The following HIVEP2 variants were observed in gnomAD, a reference collection of about 807,000 sequenced individuals.
The protein encoded by HIVEP2 is transcription factor HIVEP2.
In HIVEP2, 14 loss-of-function variants were observed where a neutral mutation model predicts 180.7. The ratio of observed to expected loss-of-function variants is 0.08; its 90% CI spans 0.05 to 0.12. The LOEUF (loss-of-function observed/expected upper bound fraction) is 0.12. Ranked by LOEUF, HIVEP2 falls within the 10% of genes least tolerant of loss-of-function variation. The pLI is 1.00. For synonymous variants in HIVEP2, 1,184 were observed against 1,136.4 expected (o/e 1.04, Z -0.84); for missense variants, 2,579 against 3,008.5 (o/e 0.86, Z 3.34).
At chr6:142,780,955 A>G (rs1218558986) in intron 3 of HIVEP2, among the ~76,000 whole-genome samples, 1 of 152,196 alleles carries the variant, frequency 6.6e-6, no homozygotes, top group Admixed American at 6.5e-5. Flanking sequence ...TAGATAACAA[A>G]ACATTTTTAA....
chr6:142,876,264 A>G (rs752895144), intron 1 of HIVEP2, among the ~76,000 whole-genome samples: 10 of 152,178 alleles, frequency 6.6e-5, no homozygotes, highest in Non-Finnish European at 1.2e-4. Context: ...GGTGAACAGT[A>G]ATGTTTCCAG....
Position 142,768,619 on chromosome 6 carries a change from G to A in HIVEP2, c.5188-83C>T, listed in dbSNP as rs1775434892. 3.8e-5 allele frequency: 53 copies of A among 1,398,902 alleles called. 1 individual carries two copies. In the South Asian group the frequency reaches 4.5e-4, roughly 12 times the overall value. 86.7% of individuals were successfully genotyped at this position (1,398,902 alleles called of 1,614,324 possible). A position where few individuals can be genotyped will look rare whatever the true frequency, so the allele number is the denominator to read the frequency against. On this transcript the variant is annotated intron_variant, in intron 5 of 9. Coordinates refer to ENST00000367603, the MANE Select transcript of HIVEP2 (RefSeq NM_006734.4). ...TATGTCCCACTCTTCCATCATCTCT[G>A]AAAATGAGCCTAAATTCTGTACTAA...
At chr6:142,786,179 C>T (rs197496) in intron 2 of HIVEP2, among the ~76,000 whole-genome samples, 78,820 of 151,984 alleles carry the variant, frequency 0.52, 21,484 homozygotes, top group Non-Finnish European at 0.6. Context: ...TGAGAATGTA[C>T]TATGACAACT....
In HIVEP2 at chr6:142,924,556, C is replaced by T. The variant is rs78015383; in HGVS notation, c.-641+20543G>A. Among the ~76,000 whole-genome samples the T allele has an allele frequency of 0.011, 1,746 of 152,286 alleles. 84 individuals carry two copies. The East Asian group carries it at 0.17, about 15-fold the overall frequency. The stretch of plus-strand genomic sequence containing the variant: ...ATTTTCCTCCAAGAAACATAAACTT[C>T]TCAGTTAAGAGGAAAAACATCTTCT... On this transcript the variant is annotated intron_variant, in intron 1 of 9. Coordinates refer to ENST00000367603, the MANE Select transcript of HIVEP2 (RefSeq NM_006734.4).
intron 2 of HIVEP2, among the ~76,000 whole-genome samples, chr6:142,822,184 C>G (rs1294435859): frequency 2.0e-5 from 3 of 152,176 alleles, no homozygotes; most frequent in Non-Finnish European, 4.4e-5. Context: ...TCGTCTACAT[C>G]AGACCTTTTG....
chr6:142,768,577 C>G lies in HIVEP2; in HGVS notation c.5188-41G>C, dbSNP rs781477877. 2.5e-6 allele frequency: 4 copies of G among 1,600,472 alleles called. No homozygotes were observed. The East Asian group carries it at 9.0e-5, about 36-fold the overall frequency. ...AGAGAATCATTTCACATGCTTTCTC[C>G]AAGACACAGGAGCCCCTATGTCCCA... On this transcript the variant is annotated intron_variant, in intron 5 of 9. Transcript: ENST00000367603.
At chr6:142,847,357 T>C (rs1189580782) in intron 1 of HIVEP2, among the ~76,000 whole-genome samples, 3 of 152,232 alleles carry the variant, frequency 2.0e-5, no homozygotes, top group Non-Finnish European at 1.5e-5. Context: ...TTTTCCCTTA[T>C]TTTAATATAA....
intron 2 of HIVEP2, among the ~76,000 whole-genome samples, chr6:142,784,791 T>C (rs972199613): frequency 6.6e-6 from 1 of 152,218 alleles, no homozygotes; most frequent in Non-Finnish European, 1.5e-5. Flanking sequence ...GAAACTTTCA[T>C]CAATGCTAAA....
At chr6:142,762,954 A>G (rs532649303) in intron 7 of HIVEP2, among the ~76,000 whole-genome samples, 24 of 152,230 alleles carry the variant, frequency 1.6e-4, no homozygotes, top group Non-Finnish European at 2.9e-4. Flanking sequence ...GAATGCTTAA[A>G]TCTAGAAAAT....
At chr6:142,911,325 G>A (rs191317344) in intron 1 of HIVEP2, among the ~76,000 whole-genome samples, 1 of 152,106 alleles carries the variant, frequency 6.6e-6, no homozygotes, top group East Asian at 1.9e-4. Flanking sequence ...TTTTCAAGTG[G>A]GTCTCTAAAA....
rs77008166 is a variant in HIVEP2, at chr6:142,893,775, C to T, written c.-641+51324G>A. On this transcript the variant is annotated intron_variant, in intron 1 of 9. Coordinates refer to ENST00000367603, the MANE Select transcript of HIVEP2 (RefSeq NM_006734.4). ...CTTAACCTGTTTCACCTGCATTTTT[C>T]GGGGGGAGGGAAGCCTAATCTCTGC... Among the ~76,000 whole-genome samples, 610 of 152,060 alleles carry T rather than the reference C, an allele frequency of 4.0e-3. 6 individuals are homozygous for T. Among genetic ancestry groups the T allele is most frequent in the African/African-American group, 0.014 (575 of 41,490 alleles).
chr6:142,859,281 A>G (rs1481596700), intron 1 of HIVEP2, among the ~76,000 whole-genome samples: 3 of 152,114 alleles, frequency 2.0e-5, no homozygotes, highest in Non-Finnish European at 4.4e-5. Context: ...CAGCCTGGGC[A>G]ACAAAGGGAG....
At chr6:142,908,140 A>G (rs1389668895) in intron 1 of HIVEP2, among the ~76,000 whole-genome samples, 1 of 152,204 alleles carries the variant, frequency 6.6e-6, no homozygotes, top group Non-Finnish European at 1.5e-5. Flanking sequence ...CTAACCTTGT[A>G]TATTTCCCAT....
intron 1 of HIVEP2, among the ~76,000 whole-genome samples, chr6:142,844,797 T>A (rs1454233668): frequency 6.6e-6 from 1 of 152,038 alleles, no homozygotes; most frequent in Non-Finnish European, 1.5e-5. Context: ...AAACACTCAC[T>A]AGTGACAAGA....
At chr6:142,899,999 T>C (rs1057091756) in intron 1 of HIVEP2, among the ~76,000 whole-genome samples, 11 of 152,202 alleles carry the variant, frequency 7.2e-5, no homozygotes, top group African/African-American at 2.7e-4. Flanking sequence ...TATTAAGGTC[T>C]AAACCTTAAT....
chr6:142,772,006 T>C lies in HIVEP2; in HGVS notation c.2733A>G (p.Pro911=). ...ACTGAAATTCTTCCACAGGCTTCTC[T>C]GGCTCTTTGCTCTGGGCTTCCTTCT... ...EKEKEAQSKE[P]EKPVEEFQWP... The change falls in exon 5 of 10, where the codon CCA becomes CCG. Residue 911 remains proline (P), a synonymous_variant. Coordinates refer to ENST00000367603, the MANE Select transcript of HIVEP2 (RefSeq NM_006734.4). The surrounding 1 kb of genome is among the most constrained non-coding windows in gnomAD (Gnocchi z 4.9). 3 of 1,614,242 alleles carry C rather than the reference T, an allele frequency of 1.9e-6. No individual in the cohort carries two copies. Among genetic ancestry groups the C allele is most frequent in the Non-Finnish European group, 2.5e-6 (3 of 1,180,042 alleles).
chr6:142,773,631 C>A lies in HIVEP2; in HGVS notation c.1108G>T (p.Ala370Ser). The change falls in exon 5 of 10, where the codon GCA becomes TCA. Residue 370 changes from alanine to serine, a missense_variant. Coordinates refer to ENST00000367603, the MANE Select transcript of HIVEP2 (RefSeq NM_006734.4). ...DDSHTVKQKL[A>S]LRLSEKKGQD... is the part of the protein sequence containing the mutation. ...CCTTTTTTCTCTGACAGTCTTAGTG[C>A]AAGTTTCTGTTTGACTGTGTGCGAA... 1.2e-6 allele frequency: 2 copies of A among 1,614,126 alleles called. No individual in the cohort carries two copies. Among genetic ancestry groups the A allele is most frequent in the Non-Finnish European group, 1.7e-6 (2 of 1,180,020 alleles).
chr6:142,843,588 A>G (rs779533342), intron 1 of HIVEP2, among the ~76,000 whole-genome samples: 2 of 152,230 alleles, frequency 1.3e-5, no homozygotes, highest in Admixed American at 6.5e-5. Flanking sequence ...AGTTCCCACA[A>G]GAGAAAGCTA....
At chr6:142,881,203 A>G (rs1401360149) in intron 1 of HIVEP2, among the ~76,000 whole-genome samples, 1 of 152,172 alleles carries the variant, frequency 6.6e-6, no homozygotes, top group Non-Finnish European at 1.5e-5. Context: ...AACCTAAATA[A>G]CAGAAGGAAA....
Sources: allele counts gnomAD v4.1 joint callset (sites outside exome capture counted in the v4.1 genomes callset), GRCh38; gene constraint gnomAD v4.1.1; non-coding constraint Gnocchi (gnomAD v3.1); transcripts MANE v1.5; gene names NCBI Gene and HGNC (gene_info 2026-07-23, HGNC 2026-07-21).